NHSL1: variants seen among roughly 807,000 people sequenced by gnomAD.
NHSL1 encodes NHS-like protein 1.
In NHSL1, 48 loss-of-function variants were observed where a neutral mutation model predicts 95.0. The ratio of observed to expected loss-of-function variants is 0.51; its 90% CI spans 0.40 to 0.64. The LOEUF (loss-of-function observed/expected upper bound fraction) is 0.64. NHSL1 is among the 30% of genes least tolerant of loss of function. NHSL1 has a pLI of 0.00. For missense variants in NHSL1, 1,971 were observed against 2,077.7 expected (o/e 0.95, Z 1.00); for synonymous variants, 783 against 833.9 (o/e 0.94, Z 1.05).
rs1286949062 is a variant in NHSL1 at position 138,467,098 on chromosome 6, T to C, written c.339+6208A>G. The stretch of plus-strand genomic sequence containing the variant: ...ATACTTGATAATGATAACAAGTGAC[T>C]ATGCTACTGGTTTATGTATTTACCA... On this transcript the variant is annotated intron_variant, in intron 3 of 7. Coordinates refer to ENST00000343505, the MANE Select transcript of NHSL1 (RefSeq NM_001144060.2). Among the ~76,000 whole-genome samples the C allele has an allele frequency of 7.9e-5, 12 of 152,236 alleles. No individual in the cohort carries two copies. In the South Asian group the frequency reaches 1.7e-3, roughly 21 times the overall value.
chr6:138,570,924 C>T (rs1431392482), intron 1 of NHSL1, among the ~76,000 whole-genome samples: 1 of 152,182 alleles, frequency 6.6e-6, no homozygotes, highest in African/African-American at 2.4e-5. Flanking sequence ...CATTTTAGAG[C>T]TTAACAATTC....
At position 138,440,295 on chromosome 6, in the gene NHSL1, A is replaced by C. The variant is rs200950287; in HGVS notation, c.664+1688T>G. ...TAGCTGTCACTTCAAGAATGGAAAA[A>C]AGAGTCTGAAAGAATAAGGCATAAA... On this transcript the variant is annotated intron_variant, in intron 5 of 7. Coordinates refer to ENST00000343505, the MANE Select transcript of NHSL1 (RefSeq NM_001144060.2). Among the ~76,000 whole-genome samples the C allele has an allele frequency of 2.8e-3, 432 of 152,318 alleles. 1 individual carries two copies. The Middle Eastern group carries it at 0.034, about 12-fold the overall frequency.
At chr6:138,668,045 A>G (rs895012555) in intron 1 of NHSL1, among the ~76,000 whole-genome samples, 2 of 151,930 alleles carry the variant, frequency 1.3e-5, no homozygotes, top group African/African-American at 4.9e-5. Context: ...GACCACTCAG[A>G]AAGAATTCAT....
chr6:138,683,679 C>T (rs1360700173), intron 1 of NHSL1, among the ~76,000 whole-genome samples: 4 of 152,196 alleles, frequency 2.6e-5, no homozygotes, highest in African/African-American at 9.6e-5. Context: ...AACTGAGAGA[C>T]ACTGCCACGC....
chr6:138,682,537 A>G (rs943243770), intron 1 of NHSL1, among the ~76,000 whole-genome samples: 4 of 152,216 alleles, frequency 2.6e-5, no homozygotes, highest in Non-Finnish European at 5.9e-5. Context: ...ATTTAGTTAT[A>G]TATCTAACCA....
At chr6:138,511,210 C>A (rs1181106654) in intron 1 of NHSL1, among the ~76,000 whole-genome samples, 1 of 152,098 alleles carries the variant, frequency 6.6e-6, no homozygotes, top group Non-Finnish European at 1.5e-5. Context: ...CAAATAAAAT[C>A]ATATTTGGAA....
At chr6:138,487,500 G>A (rs548010311) in intron 2 of NHSL1, among the ~76,000 whole-genome samples, 9 of 152,136 alleles carry the variant, frequency 5.9e-5, no homozygotes, top group South Asian at 2.1e-4. Flanking sequence ...CAATTTTTCC[G>A]TCCATACAAA....
At chr6:138,467,792 T>C (rs1243959406) in intron 3 of NHSL1, among the ~76,000 whole-genome samples, 4 of 152,254 alleles carry the variant, frequency 2.6e-5, no homozygotes, top group African/African-American at 9.6e-5. Context: ...TGTACAGCTA[T>C]ACAATGTATT....
chr6:138,441,431 G>T (rs1039101167), intron 5 of NHSL1, among the ~76,000 whole-genome samples: 6 of 152,206 alleles, frequency 3.9e-5, no homozygotes, highest in Non-Finnish European at 5.9e-5. Context: ...TGAACAAAAA[G>T]AATTAAGGAT....
intron 1 of NHSL1, among the ~76,000 whole-genome samples, chr6:138,532,738 ACT>A (rs1782187599): frequency 2.6e-5 from 4 of 152,098 alleles, no homozygotes; most frequent in Admixed American, 2.0e-4. Context: ...GGGATCAGAA[ACT>A]CTGATTCCTA....
upstream of NHSL1, among the ~76,000 whole-genome samples, chr6:138,693,178 G>A (rs1785712477): frequency 6.6e-6 from 1 of 151,506 alleles, no homozygotes; most frequent in African/African-American, 2.4e-5. The surrounding 1 kb of genome is among the most constrained non-coding windows in gnomAD (Gnocchi z 4.3). Flanking sequence ...CTCCGGATTG[G>A]AGAGGGAGGA....
rs1785197891 is a variant in NHSL1 at position 138,659,433 on chromosome 6, T to TTCTGAATGGCAGC, written c.96+33030_96+33042dup. ...GAACATATTTTGAAATTTAAGATAT[T>TTCTGAATGGCAGC]TCTGAATGGCAGCTGTGAAGGAGAA... On this transcript the variant is annotated intron_variant, in intron 1 of 3. Transcript: ENST00000491526. Among the ~76,000 whole-genome samples, 10 of 152,130 alleles carry TTCTGAATGGCAGC rather than the reference T, an allele frequency of 6.6e-5. No individual in the cohort carries two copies. The South Asian group carries it at 2.1e-3, about 32-fold the overall frequency.
intron 4 of NHSL1, 114 bp from the exon 5 acceptor site, chr6:138,442,228 C>A: frequency 9.2e-7 from 1 of 1,092,660 alleles, no homozygotes; most frequent in Non-Finnish European, 1.2e-6. Flanking sequence ...ATAATGTTAG[C>A]CAGTCATATG....
chr6:138,570,358 C>T (rs942869203), intron 1 of NHSL1, among the ~76,000 whole-genome samples: 2 of 152,220 alleles, frequency 1.3e-5, no homozygotes, highest in Admixed American at 6.5e-5. Context: ...CAATCATTTA[C>T]CAAAACCACA....
chr6:138,597,785 T>C (rs186098344), intron 1 of NHSL1, among the ~76,000 whole-genome samples: 8 of 152,314 alleles, frequency 5.3e-5, no homozygotes, highest in Admixed American at 1.3e-4. Flanking sequence ...GGTAGGACAT[T>C]ATATTGACTT....
chr6:138,567,522 C>T (rs576725383), intron 1 of NHSL1, among the ~76,000 whole-genome samples: 139 of 152,140 alleles, frequency 9.1e-4, no homozygotes, highest in Non-Finnish European at 1.7e-3. Flanking sequence ...TGACTTTTGA[C>T]CTAGCTGCTT....
intron 1 of NHSL1, among the ~76,000 whole-genome samples, chr6:138,609,528 A>G (rs1405538953): frequency 6.6e-6 from 1 of 152,132 alleles, no homozygotes. Flanking sequence ...AGGTGGGCGG[A>G]TCACGAGGTC....
chr6:138,603,039 CATT>C (rs1208551853), intron 1 of NHSL1, among the ~76,000 whole-genome samples: 1 of 152,302 alleles, frequency 6.6e-6, no homozygotes, highest in East Asian at 1.9e-4. Context: ...ATTCAGCTCA[CATT>C]GTTGTTTGCT....
intron 2 of NHSL1, among the ~76,000 whole-genome samples, chr6:138,488,928 T>C (rs1018694603): frequency 2.0e-5 from 3 of 152,208 alleles, no homozygotes; most frequent in Admixed American, 6.5e-5. Flanking sequence ...AAAGGGGGAC[T>C]GACCAGAGGA....
Sources: gnomAD v4.1 joint callset for allele counts (sites outside exome capture counted in the v4.1 genomes callset) on GRCh38, gnomAD v4.1.1 for gene constraint, Gnocchi (gnomAD v3.1) non-coding constraint, MANE v1.5 for transcripts, NCBI Gene and HGNC (gene_info 2026-07-23, HGNC 2026-07-21) for gene names.